SLIT3: variants seen among roughly 807,000 people sequenced by gnomAD.
SLIT3 encodes the protein slit homolog 3 protein.
Under a neutral mutation model 184.0 loss-of-function variants are expected in SLIT3, and 68 were observed. That is an observed-to-expected ratio of 0.37 (90% CI 0.30 to 0.45). The LOEUF (loss-of-function observed/expected upper bound fraction) is 0.45. Among genes scored for constraint, SLIT3 ranks in the 20% least tolerant of loss-of-function variants. SLIT3 has a pLI of 1.00. For missense variants in SLIT3, 1,707 were observed against 2,026.0 expected (o/e 0.84, Z 3.02); for synonymous variants, 831 against 828.6 (o/e 1.00, Z -0.05).
chr5:168,690,907 CCTTA>C (rs1761888004), intron 29 of SLIT3, among the ~76,000 whole-genome samples: 2 of 152,096 alleles, frequency 1.3e-5, no homozygotes, highest in Non-Finnish European at 2.9e-5. Context: ...TGCTTGTCAC[CCTTA>C]CTTACTTGCT....
At chr5:169,216,928 TGTGTGCCGTACTTCA>T (rs933992550) in intron 3 of SLIT3, among the ~76,000 whole-genome samples, 1 of 152,080 alleles carries the variant, frequency 6.6e-6, no homozygotes, top group African/African-American at 2.4e-5. Flanking sequence ...TAGCCATCTG[TGTGTGCCGTACTTCA>T]GTTAAAAGAC....
chr5:168,745,396 T>C (rs985260370), intron 20 of SLIT3, among the ~76,000 whole-genome samples: 1 of 152,130 alleles, frequency 6.6e-6, no homozygotes, highest in African/African-American at 2.4e-5. Context: ...AGTAGCAGGA[T>C]TTGAGAGGAC....
intron 4 of SLIT3, among the ~76,000 whole-genome samples, chr5:169,184,954 A>C (rs533274956): frequency 9.2e-5 from 14 of 152,222 alleles, no homozygotes; most frequent in Non-Finnish European, 2.1e-4. Context: ...AGAATCTACA[A>C]GGCAATTTAA....
chr5:168,760,194 G>A (rs1301925668), intron 16 of SLIT3, among the ~76,000 whole-genome samples: 2 of 152,236 alleles, frequency 1.3e-5, no homozygotes, highest in African/African-American at 2.4e-5. Context: ...GACGCAGGGA[G>A]CATGGTCCTT....
chr5:169,021,117 G>C (rs1756580006), intron 4 of SLIT3, among the ~76,000 whole-genome samples: 1 of 152,196 alleles, frequency 6.6e-6, no homozygotes, highest in South Asian at 2.1e-4. Flanking sequence ...TCATCTAGAA[G>C]ATGTAGTTCT....
intron 4 of SLIT3, among the ~76,000 whole-genome samples, chr5:168,931,525 C>T (rs1421765677): frequency 6.6e-6 from 1 of 152,182 alleles, no homozygotes; most frequent in East Asian, 1.9e-4. Context: ...CACTTGCTCC[C>T]TCTGCAAAAA....
rs927687447 is a variant in SLIT3, at chr5:168,796,117, G to T, written c.936-539C>A. ...GCAGGAACAGCCTTAACGTCTTTAGGCTCCCAGCCTGACATTCATCAAACT... is the reference window on the plus strand; with the variant it reads ...GCAGGAACAGCCTTAACGTCTTTAGTCTCCCAGCCTGACATTCATCAAACT... On this transcript the variant is annotated intron_variant, in intron 9 of 35. Coordinates refer to ENST00000519560, the MANE Select transcript of SLIT3 (RefSeq NM_003062.4). Among the ~76,000 whole-genome samples, 29 of 152,180 alleles carry T rather than the reference G, an allele frequency of 1.9e-4. 1 individual carries two copies. Among genetic ancestry groups the T allele is most frequent in the African/African-American group, 7.0e-4 (29 of 41,452 alleles).
chr5:168,965,277 T>A (rs975222453), intron 4 of SLIT3, among the ~76,000 whole-genome samples: 2 of 152,186 alleles, frequency 1.3e-5, no homozygotes, highest in Non-Finnish European at 2.9e-5. Flanking sequence ...CTCCTAGCAT[T>A]TGAGAGATAA....
chr5:169,188,706 A>G (rs297892), intron 4 of SLIT3, among the ~76,000 whole-genome samples: 77,333 of 152,088 alleles, frequency 0.51, 20,410 homozygotes, highest in East Asian at 0.83. Flanking sequence ...GCCATCTTCC[A>G]TGGAGCATTT....
chr5:168,685,469 G>A (rs75480548), intron 31 of SLIT3, among the ~76,000 whole-genome samples: 6,024 of 152,348 alleles, frequency 0.04, 429 homozygotes, highest in Admixed American at 0.18. Context: ...GGAGGAATGA[G>A]TGAATGAGGC....
intron 4 of SLIT3, among the ~76,000 whole-genome samples, chr5:168,943,268 T>C (rs1762378745): frequency 6.6e-6 from 1 of 152,174 alleles, no homozygotes; most frequent in African/African-American, 2.4e-5. Context: ...CATGGTGTTG[T>C]CTGCATGTAA....
intron 4 of SLIT3, among the ~76,000 whole-genome samples, chr5:169,133,978 A>G (rs1424929452): frequency 6.6e-6 from 1 of 152,178 alleles, no homozygotes. Context: ...TGAGTTACTT[A>G]ATTTTTACAT....
At chr5:168,915,072 C>T (rs1379374621) in intron 4 of SLIT3, among the ~76,000 whole-genome samples, 1 of 152,010 alleles carries the variant, frequency 6.6e-6, no homozygotes, top group African/African-American at 2.4e-5. Flanking sequence ...TAGCTTTTAC[C>T]AATTCTTTAT....
intron 8 of SLIT3, 93 bp from the exon 9 acceptor site, chr5:168,806,680 G>A (rs746611898): frequency 6.3e-6 from 9 of 1,423,690 alleles, no homozygotes; most frequent in Non-Finnish European, 7.8e-6. Flanking sequence ...GGCAAAGCAT[G>A]ACCTGACAGC....
intron 4 of SLIT3, among the ~76,000 whole-genome samples, chr5:169,033,305 T>TATTCCAATAAA (rs1214970971): frequency 2.6e-5 from 4 of 152,204 alleles, no homozygotes; most frequent in Non-Finnish European, 5.9e-5. Context: ...GGCTGAATAA[T>TATTCCAATAAA]ATTCCAATCT....
chr5:168,834,686 C>CAAAAAAAAAAAAAAAA (rs540528948), intron 6 of SLIT3, among the ~76,000 whole-genome samples: 2 of 37,414 alleles, frequency 5.3e-5, no homozygotes, highest in African/African-American at 2.1e-4. Context: ...GACTCTGTCT[C>CAAAAAAAAAAAAAAAA]AAAAAAAAAA....
chr5:169,164,864 G>A (rs554445376), intron 4 of SLIT3, among the ~76,000 whole-genome samples: 28 of 152,348 alleles, frequency 1.8e-4, no homozygotes, highest in Admixed American at 1.4e-3. Flanking sequence ...CCAAGGTTTC[G>A]GGACAAAGAT....
Position 168,817,428 on chromosome 5 carries a change from T to C in SLIT3, c.665A>G (p.His222Arg), listed in dbSNP as rs772643613. 6.2e-7 allele frequency: 1 copy of C among 1,614,148 alleles called. No individual in the cohort carries two copies. Among genetic ancestry groups the C allele is most frequent in the South Asian group, 1.1e-5 (1 of 91,076 alleles). The change falls in exon 8 of 36, where the codon CAC becomes CGC. Residue 222 changes from histidine (H) to arginine (R), a missense_variant. His to Arg is a conservative substitution (Grantham distance 29, BLOSUM62 0). This residue lies in a region of SLIT3 where 1,307 missense variants were observed against 1,511.6 expected (regional missense o/e 0.86). Coordinates refer to ENST00000519560, the MANE Select transcript of SLIT3 (RefSeq NM_003062.4). ...CAGCCAATCCGAGAGCCAGGCCAGG[T>C]GGCAGTCGCAGTACAGGTGGTTGGA... ...LHSNHLYCDC[H>R]LAWLSDWLRQ...
At chr5:168,970,809 G>A (rs143263257) in intron 4 of SLIT3, among the ~76,000 whole-genome samples, 19 of 152,268 alleles carry the variant, frequency 1.2e-4, no homozygotes, top group Non-Finnish European at 2.2e-4. Flanking sequence ...ATGTTACCTT[G>A]GGCAGGGTAT....
Sources: allele counts gnomAD v4.1 joint callset (sites outside exome capture counted in the v4.1 genomes callset), GRCh38; gene constraint gnomAD v4.1.1; regional missense constraint gnomAD v4.1.1; transcripts MANE v1.5; gene names NCBI Gene and HGNC (gene_info 2026-07-23, HGNC 2026-07-21).